Variants in PCDHAC1 observed in about 807,000 individuals in gnomAD.
PCDHAC1 encodes the protein protocadherin alpha subfamily C, 1.
PCDHAC1 carries 42 observed loss-of-function variants against 60.0 expected under a neutral mutation model. That is an observed-to-expected ratio of 0.70 (90% CI 0.55 to 0.90). The LOEUF (loss-of-function observed/expected upper bound fraction) is 0.90, where lower values mean the gene tolerates loss of function less well. Among genes scored for constraint, PCDHAC1 ranks in the 40% least tolerant of loss-of-function variants. PCDHAC1 has a pLI of 0.00. For synonymous variants in PCDHAC1, 468 were observed against 499.3 expected (o/e 0.94, Z 0.84); for missense variants, 1,160 against 1,222.3 (o/e 0.95, Z 0.76).
intron 1 of PCDHAC1, among the ~76,000 whole-genome samples, chr5:140,946,255 A>C (rs1554217419): frequency 6.6e-6 from 1 of 152,084 alleles, no homozygotes; most frequent in Non-Finnish European, 1.5e-5. Context: ...GAATCATCAG[A>C]AAAATGCGAA....
At chr5:141,002,807 C>T (rs1297773193) in intron 3 of PCDHAC1, among the ~76,000 whole-genome samples, 1 of 152,152 alleles carries the variant, frequency 6.6e-6, no homozygotes, top group Non-Finnish European at 1.5e-5. Flanking sequence ...GAAACTGAGG[C>T]TCAGAGATAT....
At chr5:140,962,803 T>C (rs2095709614) in intron 1 of PCDHAC1, among the ~76,000 whole-genome samples, 1 of 152,240 alleles carries the variant, frequency 6.6e-6, no homozygotes. Context: ...TGGACAACTC[T>C]AAACATCAGA....
intron 1 of PCDHAC1, among the ~76,000 whole-genome samples, chr5:140,974,578 C>T (rs1554236214): frequency 6.6e-6 from 1 of 152,170 alleles, no homozygotes; most frequent in Admixed American, 6.5e-5. Flanking sequence ...ATGGCATGAT[C>T]TTGGCTCACT....
chr5:140,982,615 A>G, intron 3 of PCDHAC1, 52 bp downstream of exon 3: 1 of 1,596,392 alleles, frequency 6.3e-7, no homozygotes, highest in Non-Finnish European at 8.6e-7. Context: ...AAGTGATCAG[A>G]TGACCTACTT....
intron 3 of PCDHAC1, among the ~76,000 whole-genome samples, chr5:140,984,861 C>T (rs1163314869): frequency 6.6e-6 from 1 of 151,870 alleles, no homozygotes; most frequent in Non-Finnish European, 1.5e-5. Flanking sequence ...ATAATAACAC[C>T]TATTTTATTG....
intron 1 of PCDHAC1, among the ~76,000 whole-genome samples, chr5:140,943,705 C>T (rs528361276): frequency 1.6e-4 from 25 of 152,150 alleles, no homozygotes; most frequent in Middle Eastern, 3.4e-3. Context: ...TATTGTGGAA[C>T]ACATTTAAAG....
chr5:140,982,035 A>G (rs950479755), intron 2 of PCDHAC1, among the ~76,000 whole-genome samples: 2 of 152,280 alleles, frequency 1.3e-5, no homozygotes, highest in Admixed American at 1.3e-4. Context: ...CAATACTCCA[A>G]TTATCAGAAA....
At chr5:140,946,903 T>A (rs2094054259) in intron 1 of PCDHAC1, among the ~76,000 whole-genome samples, 1 of 151,408 alleles carries the variant, frequency 6.6e-6, no homozygotes, top group African/African-American at 2.4e-5. Flanking sequence ...ATAGGAAGAA[T>A]AAGTTCTGGT....
In PCDHAC1 at chr5:140,969,225, C is replaced by T. The variant is rs782766938; in HGVS notation, c.2434-9724C>T. 22 of 1,614,118 alleles carry T rather than the reference C, an allele frequency of 1.4e-5. No homozygotes were observed. Among genetic ancestry groups the T allele is most frequent in the East Asian group, 1.3e-4 (6 of 44,872 alleles). Reference sequence around the variant, plus strand: ...GGGGCCCAGACAGGACCAGGGCCTTCGGGAGCCCAAGCAGCAGTGACTGAC... The same window carrying T: ...GGGGCCCAGACAGGACCAGGGCCTTTGGGAGCCCAAGCAGCAGTGACTGAC... On this transcript the variant is annotated intron_variant, in intron 1 of 3. Coordinates refer to ENST00000253807, the MANE Select transcript of PCDHAC1 (RefSeq NM_018898.5).
chr5:140,934,998 T>A (rs1242919330), intron 1 of PCDHAC1, among the ~76,000 whole-genome samples: 1 of 152,198 alleles, frequency 6.6e-6, no homozygotes, highest in Non-Finnish European at 1.5e-5. Flanking sequence ...CCCTGAATCC[T>A]TTTCATGTGA....
intron 1 of PCDHAC1, among the ~76,000 whole-genome samples, chr5:140,951,147 AATATAGT>A (rs1554219760): frequency 9.9e-6 from 1 of 100,716 alleles, no homozygotes; most frequent in African/African-American, 4.8e-5. Flanking sequence ...TATCTTATTG[AATATAGT>A]TATAGTAGCT....
chr5:140,993,460 TCTCACACACA>T (rs1210103837), intron 3 of PCDHAC1, among the ~76,000 whole-genome samples: 11 of 104,506 alleles, frequency 1.1e-4, no homozygotes, highest in Admixed American at 1.2e-4. Flanking sequence ...CTTCTTTCTT[TCTCACACACA>T]CACACACACA....
intron 1 of PCDHAC1, among the ~76,000 whole-genome samples, chr5:140,956,692 C>T (rs246012): frequency 0.56 from 85,656 of 151,960 alleles, 24,760 homozygotes; most frequent in African/African-American, 0.69. Context: ...CCTCCTTTTC[C>T]ATTGTTTGGA....
intron 3 of PCDHAC1, among the ~76,000 whole-genome samples, chr5:141,000,417 A>T (rs1334137638): frequency 1.8e-3 from 141 of 77,654 alleles, no homozygotes; most frequent in African/African-American, 4.6e-3. Context: ...ATATATATAT[A>T]TATATTTTTT....
At chr5:140,952,171 TG>T (rs2094700193) in intron 1 of PCDHAC1, among the ~76,000 whole-genome samples, 1 of 152,084 alleles carries the variant, frequency 6.6e-6, no homozygotes, top group Non-Finnish European at 1.5e-5. Context: ...GTTCAGTTCC[TG>T]CAGCTGCTCT....
chr5:140,977,482 A>G lies in PCDHAC1; in HGVS notation c.2434-1467A>G, dbSNP rs3776112. ...TTTGGTCTGTAGATAATTTTATGCTATGTTATATGGAATATCCACAGCATT... is the reference window on the plus strand; with the variant it reads ...TTTGGTCTGTAGATAATTTTATGCTGTGTTATATGGAATATCCACAGCATT... On this transcript the variant is annotated intron_variant, in intron 1 of 3. Coordinates refer to ENST00000253807, the MANE Select transcript of PCDHAC1 (RefSeq NM_018898.5). Among the ~76,000 whole-genome samples the G allele has an allele frequency of 3.0e-4, 46 of 152,350 alleles. No homozygotes were observed. The East Asian group carries it at 5.4e-3, about 18-fold the overall frequency.
chr5:140,952,101 A>G (rs1451958490), intron 1 of PCDHAC1, among the ~76,000 whole-genome samples: 1 of 151,950 alleles, frequency 6.6e-6, no homozygotes, highest in African/African-American at 2.4e-5. Flanking sequence ...TCCAGGGCAC[A>G]CTCGTGTGAG....
Position 141,010,110 on chromosome 5 carries a change from A to C in PCDHAC1, c.*173A>C. On this transcript the variant is annotated 3_prime_UTR_variant, in exon 4 of 4. Coordinates refer to ENST00000253807, the MANE Select transcript of PCDHAC1 (RefSeq NM_018898.5). ...GAACGCATTTAACAGGTTTTGTCGT[A>C]AAAGCTTTACTAAGTCTGGTGTTAA... 6.2e-7 allele frequency: 1 copy of C among 1,611,166 alleles called. No individual in the cohort carries two copies. The highest frequency in any genetic ancestry group is 8.5e-7 in the Non-Finnish European group (1 of 1,178,396).
intron 1 of PCDHAC1, among the ~76,000 whole-genome samples, chr5:140,964,743 T>C (rs1373954630): frequency 6.7e-6 from 1 of 150,048 alleles, no homozygotes; most frequent in Non-Finnish European, 1.5e-5. Flanking sequence ...ACAGAATTAT[T>C]GTAGGGATGT....
Sources: allele counts gnomAD v4.1 joint callset (sites outside exome capture counted in the v4.1 genomes callset), GRCh38; gene constraint gnomAD v4.1.1; transcripts MANE v1.5; gene names NCBI Gene and HGNC (gene_info 2026-07-23, HGNC 2026-07-21).